The following IL15 variants were observed in gnomAD, a reference collection of about 807,000 sequenced individuals.
IL15 encodes interleukin-15.
A neutral mutation model predicts 19.6 loss-of-function variants in IL15; 11 were observed. That is an observed-to-expected ratio of 0.56 (90% CI 0.35 to 0.93). The LOEUF is 0.93. Among genes scored for constraint, IL15 ranks in the 40% least tolerant of loss-of-function variants. The pLI, the probability that IL15 is intolerant of heterozygous loss-of-function variation, is 0.01. For synonymous variants in IL15, 58 were observed against 59.6 expected, an observed-to-expected ratio of 0.97 and a Z score of 0.12; for missense variants, 197 against 186.5, an observed-to-expected ratio of 1.06 and a Z score of -0.33.
chr4:141,665,674 A>G (rs1727947197), intron 2 of IL15, among the ~76,000 whole-genome samples: 1 of 152,144 alleles, frequency 6.6e-6, no homozygotes, highest in African/African-American at 2.4e-5. Context: ...CTTTCAATCT[A>G]GTTTTATTGA....
intron 1 of IL15, among the ~76,000 whole-genome samples, chr4:141,647,614 T>C (rs1727272248): frequency 6.6e-6 from 1 of 151,982 alleles, no homozygotes; most frequent in African/African-American, 2.4e-5. Context: ...ATTGACCAGC[T>C]CCCAGGTCTT....
At chr4:141,713,661 G>A (rs1367320937) in intron 2 of IL15, among the ~76,000 whole-genome samples, 1 of 152,090 alleles carries the variant, frequency 6.6e-6, no homozygotes, top group Non-Finnish European at 1.5e-5. Flanking sequence ...GTTGCATATG[G>A]CCTTGCTTGG....
chr4:141,697,205 TC>T (rs1158531259), intron 2 of IL15, among the ~76,000 whole-genome samples: 1 of 152,124 alleles, frequency 6.6e-6, no homozygotes, highest in Non-Finnish European at 1.5e-5. Context: ...GAGATGAGGA[TC>T]CAGTTTCATC....
intron 2 of IL15, chr4:141,716,567 GGCACAGGCAGAGACTTT>G (rs1190556558): frequency 3.3e-5 from 5 of 152,414 alleles, no homozygotes; most frequent in Non-Finnish European, 5.9e-5. Flanking sequence ...ACTTATTTGG[GGCACAGGCAGAGACTTT>G]GCACAGGGGT....
chr4:141,708,416 A>G (rs1424233717), intron 2 of IL15, among the ~76,000 whole-genome samples: 4 of 152,116 alleles, frequency 2.6e-5, no homozygotes, highest in South Asian at 2.1e-4. Context: ...ATTGAGCTCT[A>G]TCATCTTAGG....
chr4:141,647,280 T>C (rs1304120110), intron 1 of IL15, among the ~76,000 whole-genome samples: 1 of 152,026 alleles, frequency 6.6e-6, no homozygotes, highest in Non-Finnish European at 1.5e-5. Context: ...CAGATATATA[T>C]TACAGCTAAC....
rs769017425 is a variant in IL15 at position 141,727,915 on chromosome 4, A to G, written c.196-25A>G. 68 of 984,856 alleles carry G rather than the reference A, an allele frequency of 6.9e-5. No individual in the cohort carries two copies. In the Middle Eastern group the frequency reaches 9.3e-4, roughly 14 times the overall value. 61.0% of individuals were successfully genotyped at this position (984,856 alleles called of 1,614,324 possible). ...TTTAAAGCAGGGCATAGTTTTTAATATTGTCTAATTTTGTTTCCTTTCAGT... is the reference window on the plus strand; with the variant it reads ...TTTAAAGCAGGGCATAGTTTTTAATGTTGTCTAATTTTGTTTCCTTTCAGT... On this transcript the variant is annotated intron_variant, in intron 5 of 7. Coordinates refer to ENST00000320650, the MANE Select transcript of IL15 (RefSeq NM_000585.5).
chr4:141,658,592 T>A (rs1205690844), intron 2 of IL15, among the ~76,000 whole-genome samples: 1 of 151,896 alleles, frequency 6.6e-6, no homozygotes, highest in East Asian at 1.9e-4. Flanking sequence ...AATTTCTAAT[T>A]AACACTCTCA....
chr4:141,647,565 C>T (rs1244965497), intron 1 of IL15, among the ~76,000 whole-genome samples: 1 of 151,890 alleles, frequency 6.6e-6, no homozygotes, highest in Non-Finnish European at 1.5e-5. Context: ...AGCTAAGCAC[C>T]CTGAAAGAGG....
At chr4:141,692,817 T>C (rs569567770) in intron 2 of IL15, among the ~76,000 whole-genome samples, 19 of 151,866 alleles carry the variant, frequency 1.3e-4, no homozygotes, top group Admixed American at 7.2e-4. Context: ...CTGCCTGTCT[T>C]CTTCTGAGCC....
At chr4:141,649,843 G>A (rs1260095339) in intron 1 of IL15, among the ~76,000 whole-genome samples, 1 of 151,964 alleles carries the variant, frequency 6.6e-6, no homozygotes, top group African/African-American at 2.4e-5. Flanking sequence ...TTAGTGTCAA[G>A]TTCTGAGAAG....
intron 2 of IL15, among the ~76,000 whole-genome samples, chr4:141,673,474 T>C (rs187226742): frequency 5.6e-4 from 85 of 152,340 alleles, no homozygotes; most frequent in African/African-American, 2.0e-3. Flanking sequence ...GCCTTTGGTA[T>C]CTTACTCATC....
intron 2 of IL15, among the ~76,000 whole-genome samples, chr4:141,658,556 TA>T (rs1727682663): frequency 6.6e-6 from 1 of 151,994 alleles, no homozygotes; most frequent in Admixed American, 6.6e-5. Flanking sequence ...AGTGAATATA[TA>T]CATTTCATTT....
chr4:141,732,816 CA>C lies in IL15; in HGVS notation c.458del (p.His153LeufsTer14). ...TAAAGAATTTTTGCAGAGTTTTGTA[CA>C]TATTGTCCAAATGTTCATCAACACT... is the stretch of plus-strand genomic sequence containing the variant. ...NIKEFLQSFVHIVQMFINTS is the reference protein window; with the variant it reads ...NIKEFLQSFVXIVQMFINTS On this transcript the variant is annotated frameshift_variant, in exon 8 of 8. Transcript: ENST00000320650. LOFTEE classifies it high-confidence loss of function. 2 of 1,611,294 alleles carry C rather than the reference CA, an allele frequency of 1.2e-6. No individual in the cohort carries two copies. The highest frequency in any genetic ancestry group is 1.7e-6 in the Non-Finnish European group (2 of 1,179,258).
At chr4:141,672,957 C>G (rs1345607005) in intron 2 of IL15, among the ~76,000 whole-genome samples, 2 of 152,218 alleles carry the variant, frequency 1.3e-5, no homozygotes, top group Non-Finnish European at 1.5e-5. Context: ...AGGCACCTCT[C>G]TTGCATGTTT....
At chr4:141,723,900 G>A (rs1730175861) in intron 5 of IL15, among the ~76,000 whole-genome samples, 1 of 152,066 alleles carries the variant, frequency 6.6e-6, no homozygotes, top group African/African-American at 2.4e-5. Flanking sequence ...TATTCTTGAG[G>A]ACTTCACTGC....
chr4:141,685,754 C>T (rs1213859338), intron 2 of IL15, among the ~76,000 whole-genome samples: 2 of 152,156 alleles, frequency 1.3e-5, no homozygotes, highest in South Asian at 2.1e-4. Flanking sequence ...TCCTAATGTT[C>T]CATGAATGAA....
chr4:141,650,952 T>C (rs565091068), intron 1 of IL15, among the ~76,000 whole-genome samples: 3 of 152,128 alleles, frequency 2.0e-5, no homozygotes, highest in Non-Finnish European at 4.4e-5. Context: ...TCTGGTAAGA[T>C]TAGGAAAGCT....
chr4:141,706,728 G>T (rs1729528986), intron 2 of IL15, among the ~76,000 whole-genome samples: 1 of 151,146 alleles, frequency 6.6e-6, no homozygotes, highest in South Asian at 2.1e-4. Context: ...TTAATTTTCA[G>T]CACTTTGAAT....
Sources: allele counts gnomAD v4.1 joint callset (sites outside exome capture counted in the v4.1 genomes callset), GRCh38; gene constraint gnomAD v4.1.1; transcripts MANE v1.5; gene names NCBI Gene and HGNC (gene_info 2026-07-23, HGNC 2026-07-21).